PDZRN4: variants seen among roughly 807,000 people sequenced by gnomAD.
PDZRN4 encodes the protein PDZ domain-containing RING finger protein 4.
Under a neutral mutation model 99.0 loss-of-function variants are expected in PDZRN4, and 70 were observed. The observed-to-expected ratio is 0.71, with a 90% CI of 0.58 to 0.86. PDZRN4 has a LOEUF of 0.86. PDZRN4 is among the 40% of genes least tolerant of loss of function. The pLI is 0.00. For missense variants in PDZRN4, 1,474 were observed against 1,331.2 expected (o/e 1.11, Z -1.67); for synonymous variants, 551 against 501.6 (o/e 1.10, Z -1.32).
chr12:41,371,923 G>C (rs1431193170), intron 3 of PDZRN4, among the ~76,000 whole-genome samples: 4 of 151,970 alleles, frequency 2.6e-5, no homozygotes, highest in Non-Finnish European at 5.9e-5. Flanking sequence ...TCCAAATCTG[G>C]CTTCAGTACA....
At chr12:41,239,656 G>C (rs143446417) in intron 3 of PDZRN4, among the ~76,000 whole-genome samples, 1 of 152,218 alleles carries the variant, frequency 6.6e-6, no homozygotes, top group East Asian at 1.9e-4. Context: ...GGTGACAAAA[G>C]ACACATCAAA....
intron 3 of PDZRN4, among the ~76,000 whole-genome samples, chr12:41,222,717 G>A (rs936284511): frequency 3.9e-5 from 6 of 151,918 alleles, no homozygotes; most frequent in Non-Finnish European, 5.9e-5. Flanking sequence ...TAGAGATGGG[G>A]ATTCATCATA....
At chr12:41,314,486 G>A (rs577105251) in intron 3 of PDZRN4, among the ~76,000 whole-genome samples, 2 of 152,288 alleles carry the variant, frequency 1.3e-5, no homozygotes, top group African/African-American at 4.8e-5. Context: ...ATATGCTGTG[G>A]TAGCATAGTC....
At chr12:41,372,651 T>G (rs1952050061) in intron 3 of PDZRN4, among the ~76,000 whole-genome samples, 1 of 152,112 alleles carries the variant, frequency 6.6e-6, no homozygotes, top group African/African-American at 2.4e-5. Flanking sequence ...TGCATAACTA[T>G]TCACATAGGT....
At chr12:41,531,422 T>G (rs567998981) in intron 5 of PDZRN4, among the ~76,000 whole-genome samples, 2 of 152,276 alleles carry the variant, frequency 1.3e-5, no homozygotes, top group South Asian at 4.1e-4. Flanking sequence ...TCCGATGTGT[T>G]TCTGTCAACA....
At chr12:41,471,806 T>A (rs893657106) in intron 3 of PDZRN4, among the ~76,000 whole-genome samples, 9 of 151,566 alleles carry the variant, frequency 5.9e-5, no homozygotes, top group African/African-American at 2.2e-4. Context: ...AAATAAAATG[T>A]GCTACTTTTA....
intron 3 of PDZRN4, among the ~76,000 whole-genome samples, chr12:41,305,805 G>A (rs1951565978): frequency 6.6e-6 from 1 of 152,124 alleles, no homozygotes; most frequent in South Asian, 2.1e-4. Flanking sequence ...AAATACATTT[G>A]TTCCATCTTG....
intron 3 of PDZRN4, among the ~76,000 whole-genome samples, chr12:41,351,365 A>T (rs1054766770): frequency 6.6e-6 from 1 of 152,116 alleles, no homozygotes; most frequent in African/African-American, 2.4e-5. Context: ...ATTCAGACAT[A>T]TAAATAGATG....
At chr12:41,234,294 A>T (rs1056153766) in intron 3 of PDZRN4, among the ~76,000 whole-genome samples, 4 of 152,124 alleles carry the variant, frequency 2.6e-5, no homozygotes, top group African/African-American at 9.6e-5. Flanking sequence ...TGGAATTCTC[A>T]TGTAAATTAG....
At chr12:41,545,750 T>A (rs1938939204) in intron 5 of PDZRN4, among the ~76,000 whole-genome samples, 1 of 152,020 alleles carries the variant, frequency 6.6e-6, no homozygotes, top group Non-Finnish European at 1.5e-5. Flanking sequence ...TACGTACAAA[T>A]GCATGTGGAT....
chr12:41,339,081 T>C (rs1326473567), intron 3 of PDZRN4, among the ~76,000 whole-genome samples: 1 of 150,480 alleles, frequency 6.6e-6, no homozygotes, highest in Admixed American at 6.6e-5. Flanking sequence ...TCCTAAAATT[T>C]ATATGGAACC....
intron 3 of PDZRN4, among the ~76,000 whole-genome samples, chr12:41,256,996 C>A (rs1351408620): frequency 6.6e-6 from 1 of 152,142 alleles, no homozygotes; most frequent in African/African-American, 2.4e-5. Flanking sequence ...ACTCACTTTC[C>A]TCCACATTCT....
intron 3 of PDZRN4, among the ~76,000 whole-genome samples, chr12:41,352,438 A>G (rs1174102542): frequency 1.3e-5 from 2 of 152,090 alleles, no homozygotes; most frequent in Non-Finnish European, 2.9e-5. Flanking sequence ...TACTCAGGAT[A>G]AGATACCTTG....
Position 41,232,310 on chromosome 12 carries a change from G to T in PDZRN4, c.843+38122G>T, listed in dbSNP as rs548446230. Among the ~76,000 whole-genome samples the T allele has an allele frequency of 3.3e-5, 5 of 152,114 alleles. No individual in the cohort carries two copies. The South Asian group carries it at 8.3e-4, about 25-fold the overall frequency. ...CCTCACCTGCCCTTCAGCAGAGGATGGTAAATAAGGAATGGCATTATTATG... is the reference window on the plus strand; with the variant it reads ...CCTCACCTGCCCTTCAGCAGAGGATTGTAAATAAGGAATGGCATTATTATG... On this transcript the variant is annotated intron_variant, in intron 3 of 9. Coordinates refer to ENST00000402685, the MANE Select transcript of PDZRN4 (RefSeq NM_001164595.2).
At chr12:41,492,567 C>T (rs1259306216) in intron 3 of PDZRN4, among the ~76,000 whole-genome samples, 3 of 152,068 alleles carry the variant, frequency 2.0e-5, no homozygotes, top group Admixed American at 2.0e-4. Context: ...AGCTCTGAGT[C>T]TCATTCAGTC....
intron 3 of PDZRN4, among the ~76,000 whole-genome samples, chr12:41,466,751 G>GT (rs61259671): frequency 0.24 from 29,213 of 122,066 alleles, 3,517 homozygotes; most frequent in Non-Finnish European, 0.28. Context: ...TATTTCCAGT[G>GT]TTTTTTTTTT....
intron 3 of PDZRN4, among the ~76,000 whole-genome samples, chr12:41,233,500 G>T (rs1951043966): frequency 6.6e-6 from 1 of 152,114 alleles, no homozygotes; most frequent in African/African-American, 2.4e-5. Context: ...TATGTTTATA[G>T]CAGCACTATT....
chr12:41,439,420 G>C (rs1431041718), intron 3 of PDZRN4, among the ~76,000 whole-genome samples: 1 of 152,110 alleles, frequency 6.6e-6, no homozygotes, highest in Non-Finnish European at 1.5e-5. Context: ...GAGGAGCAGA[G>C]GAGTGGATTC....
intron 3 of PDZRN4, among the ~76,000 whole-genome samples, chr12:41,352,684 G>A (rs1405549): frequency 0.48 from 72,727 of 151,940 alleles, 18,220 homozygotes; most frequent in Middle Eastern, 0.65. Flanking sequence ...GAGAAAGTAC[G>A]TGGAGGTGGG....
Sources: gnomAD v4.1 joint callset for allele counts (sites outside exome capture counted in the v4.1 genomes callset) on GRCh38, gnomAD v4.1.1 for gene constraint, MANE v1.5 for transcripts, NCBI Gene and HGNC (gene_info 2026-07-23, HGNC 2026-07-21) for gene names.